The following TRAK1 variants were observed in gnomAD, a reference collection of about 807,000 sequenced individuals.
The protein encoded by TRAK1 is trafficking kinesin-binding protein 1.
TRAK1 carries 33 observed loss-of-function variants against 92.1 expected under a neutral mutation model. The observed-to-expected ratio is 0.36, with a 90% CI of 0.27 to 0.48. The LOEUF (loss-of-function observed/expected upper bound fraction) is 0.48. TRAK1 is among the 20% of genes least tolerant of loss of function. The pLI is 0.99. For synonymous variants in TRAK1, 521 were observed against 517.3 expected (o/e 1.01, Z -0.10); for missense variants, 1,123 against 1,257.9 (o/e 0.89, Z 1.62).
At chr3:42,013,373 A>G (rs1466487340), upstream of TRAK1, among the ~76,000 whole-genome samples, 1 of 152,088 alleles carries the variant, frequency 6.6e-6, no homozygotes, top group African/African-American at 2.4e-5. The surrounding 1 kb of genome is among the most constrained non-coding windows in gnomAD (Gnocchi z 5.1). Flanking sequence ...CTAGAAGTAA[A>G]TAAGCGCTCG....
At chr3:42,104,993 C>G (rs1324276780) in intron 1 of TRAK1, among the ~76,000 whole-genome samples, 1 of 150,048 alleles carries the variant, frequency 6.7e-6, no homozygotes, top group Non-Finnish European at 1.5e-5. Flanking sequence ...CTTTTGTTGC[C>G]CAGGCTGGAG....
chr3:42,209,972 C>G lies in TRAK1; in HGVS notation c.1950C>G (p.His650Gln). ...PRLATSTPVQ[H>Q]PETSAHHPGK... Reference sequence around the variant, plus strand: ...TAGCTACCTCCACTCCAGTTCAGCACCCAGAGACCTCAGGTGAGAGGTCCC... The same window carrying G: ...TAGCTACCTCCACTCCAGTTCAGCAGCCAGAGACCTCAGGTGAGAGGTCCC... The change falls in exon 14 of 16, where the codon CAC (histidine) becomes CAG (glutamine). Residue 650 changes from histidine (H) to glutamine (Q), a missense_variant. His to Gln is a conservative substitution (Grantham distance 24). This residue lies in a region of TRAK1 where 401 missense variants were observed against 438.9 expected (regional missense o/e 0.91). Transcript: ENST00000327628. 6.2e-7 allele frequency: 1 copy of G among 1,614,218 alleles called. No individual in the cohort carries two copies. Among genetic ancestry groups the G allele is most frequent in the Non-Finnish European group, 8.5e-7 (1 of 1,180,040 alleles).
upstream of TRAK1, chr3:42,087,027 G>C (rs1255699494): frequency 6.6e-6 from 1 of 152,190 alleles, no homozygotes; most frequent in Non-Finnish European, 1.5e-5. Context: ...CGTCATCCCG[G>C]GGCCCTCATT....
intron 1 of TRAK1, among the ~76,000 whole-genome samples, chr3:42,047,267 C>T (rs1183212362): frequency 6.9e-6 from 1 of 144,606 alleles, no homozygotes; most frequent in African/African-American, 2.6e-5. Flanking sequence ...ATGATCATAG[C>T]TCACTGCAGC....
At position 42,034,768 on chromosome 3, in the gene TRAK1, G is replaced by A. The variant is rs60746859; in HGVS notation, c.-519+20651G>A. ...CCAGCCCTCTTTCCCAGCCATGTAAGGGCTGTTCTTCTGGTCTGCCTCCTG... is the reference window on the plus strand; with the variant it reads ...CCAGCCCTCTTTCCCAGCCATGTAAAGGCTGTTCTTCTGGTCTGCCTCCTG... On this transcript the variant is annotated intron_variant, in intron 1 of 16. Coordinates refer to the TRAK1 transcript ENST00000487159. Among the ~76,000 whole-genome samples the A allele has an allele frequency of 3.9e-3, 597 of 152,088 alleles. 2 individuals are homozygous for A. The highest frequency in any genetic ancestry group is 0.014 in the African/African-American group (579 of 41,504).
At chr3:42,216,366 G>A (rs2149530676) in intron 14 of TRAK1, among the ~76,000 whole-genome samples, 1 of 152,262 alleles carries the variant, frequency 6.6e-6, no homozygotes, top group South Asian at 2.1e-4. Context: ...TCAGTCCCAG[G>A]CATCATGGGC....
intron 3 of TRAK1, among the ~76,000 whole-genome samples, chr3:42,182,972 A>G (rs535242529): frequency 1.3e-5 from 2 of 152,328 alleles, no homozygotes; most frequent in South Asian, 2.1e-4. Flanking sequence ...CCTATGTTCA[A>G]GTAGGGAACC....
At chr3:42,208,344 T>C (rs1559388487) in intron 13 of TRAK1, among the ~76,000 whole-genome samples, 1 of 152,156 alleles carries the variant, frequency 6.6e-6, no homozygotes, top group Non-Finnish European at 1.5e-5. Context: ...TTTGAAATTG[T>C]TCATTTATAA....
At chr3:42,172,309 A>G (rs1253973897) in intron 2 of TRAK1, among the ~76,000 whole-genome samples, 1 of 151,970 alleles carries the variant, frequency 6.6e-6, no homozygotes, top group South Asian at 2.1e-4. Flanking sequence ...CTGACTTTCC[A>G]TCTCATGCCC....
chr3:42,111,381 T>C (rs1374102948), intron 1 of TRAK1, among the ~76,000 whole-genome samples: 1 of 146,786 alleles, frequency 6.8e-6, no homozygotes, highest in Non-Finnish European at 1.5e-5. Flanking sequence ...AGCCACAGGA[T>C]TAGAAGTTAT....
rs147026527 is a variant in TRAK1 at position 42,165,747 on chromosome 3, C to T, written c.287-11067C>T. Among the ~76,000 whole-genome samples, 5 of 152,284 alleles carry T rather than the reference C, an allele frequency of 3.3e-5. No homozygotes were observed. The East Asian group carries it at 7.7e-4, about 24-fold the overall frequency. On this transcript the variant is annotated intron_variant, in intron 2 of 15. Transcript: ENST00000327628. ...TGACCTGGCGCATCAGTACCTACCG[C>T]AGCACTGTTACAAAGGTCTCTTGGT...
chr3:42,037,056 A>G (rs779407182), intron 1 of TRAK1, among the ~76,000 whole-genome samples: 2 of 152,042 alleles, frequency 1.3e-5, no homozygotes, highest in African/African-American at 4.8e-5. Flanking sequence ...TCATACTCTT[A>G]GGCTCCAGCT....
intron 15 of TRAK1, among the ~76,000 whole-genome samples, 190 bp downstream of exon 15, chr3:42,219,786 GTT>G (rs397989334): frequency 0.033 from 2,108 of 63,524 alleles, 148 homozygotes; most frequent in African/African-American, 0.056. Flanking sequence ...GTTGTTATGT[GTT>G]TTTTTTTTTT....
At chr3:42,163,388 G>T (rs1356198754) in intron 2 of TRAK1, among the ~76,000 whole-genome samples, 2 of 151,982 alleles carry the variant, frequency 1.3e-5, no homozygotes, top group Non-Finnish European at 2.9e-5. Context: ...GGCCAAGATG[G>T]TGAACCCCTG....
chr3:42,092,884 C>T (rs1705319122), intron 1 of TRAK1, among the ~76,000 whole-genome samples: 1 of 152,110 alleles, frequency 6.6e-6, no homozygotes, highest in Admixed American at 6.6e-5. Context: ...CCATGCCTGA[C>T]CCAGGATCTT....
intron 2 of TRAK1, chr3:42,149,705 G>A: frequency 1.4e-6 from 2 of 1,429,238 alleles, no homozygotes; most frequent in Non-Finnish European, 1.9e-6. Flanking sequence ...GCTGGCGGGT[G>A]GGAGGTACCA....
In TRAK1 at chr3:42,018,087, CA is replaced by C. The variant is rs397989329; in HGVS notation, c.-519+3988del. On this transcript the variant is annotated intron_variant, in intron 1 of 16. Transcript: ENST00000487159. ...GCAACATAGTGAGACCTCATTGTTA[CA>C]AAAAAAAAAAAAAAAAAGACAAAAG... Among the ~76,000 whole-genome samples, 1,077 of 114,256 alleles carry C rather than the reference CA, an allele frequency of 9.4e-3. 16 individuals are homozygous for C. Among genetic ancestry groups the C allele is most frequent in the African/African-American group, 0.034 (981 of 28,530 alleles). The allele number at this position is 114,256 out of a possible 152,430, so 75.0% of individuals were successfully genotyped here. A position where few individuals can be genotyped will look rare whatever the true frequency, so the allele number is the denominator to read the frequency against.
Position 42,202,831 on chromosome 3 carries a change from G to C in TRAK1, c.1744+79G>C, listed in dbSNP as rs996363751. 1.3e-6 allele frequency: 2 copies of C among 1,575,862 alleles called. No individual in the cohort carries two copies. Among genetic ancestry groups the C allele is most frequent in the African/African-American group, 2.7e-5 (2 of 73,944 alleles). On this transcript the variant is annotated intron_variant, in intron 13 of 15. Coordinates refer to ENST00000327628, the MANE Select transcript of TRAK1 (RefSeq NM_001042646.3). This position sits in a 1 kb window ranked among gnomAD's most constrained non-coding sequence, Gnocchi z 6.1. ...TCCCTGATCCACCTGCGGAAGGCGG[G>C]GCACCTCTGTCACGCCTACTCCTTT...
intron 2 of TRAK1, among the ~76,000 whole-genome samples, chr3:42,168,221 A>G (rs1702110914): frequency 6.6e-6 from 1 of 152,148 alleles, no homozygotes; most frequent in Non-Finnish European, 1.5e-5. Flanking sequence ...TATCAGTGCT[A>G]GTTTCTTAGT....
Sources: allele counts gnomAD v4.1 joint callset (sites outside exome capture counted in the v4.1 genomes callset), GRCh38; gene constraint gnomAD v4.1.1; regional missense constraint gnomAD v4.1.1; non-coding constraint Gnocchi (gnomAD v3.1); transcripts MANE v1.5; gene names NCBI Gene and HGNC (gene_info 2026-07-23, HGNC 2026-07-21).